The following PCDHGA10 variants were observed in gnomAD, a reference collection of about 807,000 sequenced individuals.
PCDHGA10 encodes protocadherin gamma subfamily A, 10.
PCDHGA10 carries 42 observed loss-of-function variants against 59.5 expected under a neutral mutation model. The ratio of observed to expected loss-of-function variants is 0.71; its 90% CI spans 0.55 to 0.91. PCDHGA10 has a LOEUF of 0.91. PCDHGA10 is among the 40% of genes least tolerant of loss of function. The pLI is 0.00. For missense variants in PCDHGA10, 1,111 were observed against 1,198.2 expected (o/e 0.93, Z 1.07); for synonymous variants, 511 against 517.2 (o/e 0.99, Z 0.16).
rs191354649 is a variant in PCDHGA10 at position 141,510,446 on chromosome 5, C to T, written c.2585-501C>T. 8.9e-4 allele frequency among the ~76,000 whole-genome samples: 135 copies of T among 152,154 alleles called. 1 individual carries two copies. Among genetic ancestry groups the T allele is most frequent in the Non-Finnish European group, 1.7e-3 (114 of 68,010 alleles). On this transcript the variant is annotated intron_variant, in intron 3 of 3. Coordinates refer to ENST00000398610, the MANE Select transcript of PCDHGA10 (RefSeq NM_018913.3). ...TTTCATGGCTGCTGCCCTCCAGGAG[C>T]CCATGGTCTAGTGTGGGAGTCAGAG...
intron 1 of PCDHGA10, among the ~76,000 whole-genome samples, chr5:141,482,765 T>C (rs2099572013): frequency 7.9e-6 from 1 of 127,068 alleles, no homozygotes; most frequent in African/African-American, 3.6e-5. Flanking sequence ...TATTTCATTA[T>C]CACTGAACCT....
rs1562150111 is a variant in PCDHGA10, at chr5:141,491,805, T to G, written c.2437-3002T>G. 1 of 1,495,892 alleles carries G rather than the reference T, an allele frequency of 6.7e-7. No homozygotes were observed. 92.7% of individuals were successfully genotyped at this position (1,495,892 alleles called of 1,614,324 possible). A position where few individuals can be genotyped will look rare whatever the true frequency, so the allele number is the denominator to read the frequency against. On this transcript the variant is annotated intron_variant, in intron 1 of 3. Coordinates refer to ENST00000398610, the MANE Select transcript of PCDHGA10 (RefSeq NM_018913.3). This position sits in a 1 kb window ranked among gnomAD's most constrained non-coding sequence, Gnocchi z 6.9. ...TGCATCCACTCCTCTCCGGCCGGCT[T>G]GGTCGCTGGCTGCGCTCCACCCGAT... is the stretch of plus-strand genomic sequence containing the variant.
chr5:141,500,005 G>A (rs994274763), intron 2 of PCDHGA10, among the ~76,000 whole-genome samples: 30 of 151,476 alleles, frequency 2.0e-4, no homozygotes, highest in Non-Finnish European at 3.8e-4. Context: ...TCTTTCATAA[G>A]GTCCACATTT....
intron 1 of PCDHGA10, among the ~76,000 whole-genome samples, chr5:141,449,630 T>C (rs1006977026): frequency 6.7e-6 from 1 of 150,024 alleles, no homozygotes; most frequent in South Asian, 2.1e-4. Flanking sequence ...TTTAAAAAGA[T>C]GTATCTATAT....
intron 1 of PCDHGA10, among the ~76,000 whole-genome samples, chr5:141,458,695 G>A (rs551105765): frequency 2.0e-5 from 3 of 151,852 alleles, no homozygotes; most frequent in Non-Finnish European, 2.9e-5. Context: ...TCAGCCTCCC[G>A]AGTAGCTGGG....
At chr5:141,436,394 T>C (rs781428769) in intron 1 of PCDHGA10, among the ~76,000 whole-genome samples, 15 of 152,216 alleles carry the variant, frequency 9.9e-5, no homozygotes, top group Non-Finnish European at 1.9e-4. Flanking sequence ...CTTTATTAAA[T>C]AGTTGTTGAA....
intron 1 of PCDHGA10, 52 bp downstream of exon 1, chr5:141,415,663 T>C: frequency 6.3e-7 from 1 of 1,578,204 alleles, no homozygotes; most frequent in Non-Finnish European, 8.6e-7. Flanking sequence ...GATTGGTTTT[T>C]ACTTTGAAGT....
At chr5:141,454,796 A>ATTTTTTTTTTTTTTTTTTTTTTTT (rs61612330) in intron 1 of PCDHGA10, among the ~76,000 whole-genome samples, 4 of 77,456 alleles carry the variant, frequency 5.2e-5, no homozygotes, top group Non-Finnish European at 9.3e-5. Flanking sequence ...CATGGTTCTA[A>ATTTTTTTTTTTTTTTTTTTTTTTT]TTTTTTTTTT....
intron 1 of PCDHGA10, chr5:141,428,437 C>G: frequency 2.5e-6 from 1 of 400,386 alleles, no homozygotes; most frequent in East Asian, 5.4e-5. Flanking sequence ...TAAGACTAGA[C>G]CAGGGGTTTT....
intron 1 of PCDHGA10, among the ~76,000 whole-genome samples, chr5:141,482,188 G>C (rs1178289472): frequency 2.6e-5 from 4 of 152,122 alleles, no homozygotes; most frequent in African/African-American, 9.7e-5. Context: ...CGATGCTCCA[G>C]TTCTAGTAAA....
intron 2 of PCDHGA10, among the ~76,000 whole-genome samples, chr5:141,495,233 A>G (rs1226612093): frequency 1.3e-5 from 2 of 152,196 alleles, no homozygotes; most frequent in African/African-American, 4.8e-5. Flanking sequence ...GCTGGGCTCC[A>G]TTATGACCTG....
chr5:141,432,071 AT>A lies in PCDHGA10; in HGVS notation c.2436+16461del. 1 of 1,614,158 alleles carries A rather than the reference AT, an allele frequency of 6.2e-7. No individual in the cohort carries two copies. Among genetic ancestry groups the A allele is most frequent in the Non-Finnish European group, 8.5e-7 (1 of 1,180,032 alleles). ...CCCGCCCCTATCCACGGAAACTCAT[AT>A]CTCGCTGAACGTGGCAGACACCAAC... On this transcript the variant is annotated intron_variant, in intron 1 of 3. Transcript: ENST00000398610. The surrounding 1 kb of genome is among the most constrained non-coding windows in gnomAD (Gnocchi z 6.0).
chr5:141,419,375 T>G (rs755252910), intron 1 of PCDHGA10: 1 of 1,613,728 alleles, frequency 6.2e-7, no homozygotes, highest in Admixed American at 1.7e-5. Context: ...GTCCTACGTG[T>G]CCGTGAGCGC....
intron 1 of PCDHGA10, among the ~76,000 whole-genome samples, chr5:141,451,134 T>C (rs567790185): frequency 9.9e-5 from 15 of 152,254 alleles, no homozygotes; most frequent in African/African-American, 3.6e-4. Context: ...AGCCTTATGA[T>C]TGTATTTAGA....
intron 1 of PCDHGA10, among the ~76,000 whole-genome samples, chr5:141,454,900 C>T (rs1411402448): frequency 1.4e-5 from 2 of 145,486 alleles, no homozygotes; most frequent in African/African-American, 2.6e-5. Flanking sequence ...CACCGCCTCC[C>T]GGGTTCACGC....
At chr5:141,430,811 A>T in intron 1 of PCDHGA10, 1 of 1,527,400 alleles carries the variant, frequency 6.5e-7, no homozygotes, top group Non-Finnish European at 8.8e-7. Context: ...CCTGCTGGGA[A>T]TCCTCCTGGG....
At chr5:141,422,705 C>T (rs371027437) in intron 1 of PCDHGA10, 2 of 1,602,706 alleles carry the variant, frequency 1.2e-6, no homozygotes, top group South Asian at 1.1e-5. Context: ...TACTCTCTGA[C>T]GGATGACACT....
rs972633773 is a variant in PCDHGA10, at chr5:141,489,751, A to T, written c.2437-5056A>T. ...GGGCACCAATACTGTGAGCTTTTAC[A>T]CTCTAAGCCCCAACAGCCACTTCTC... On this transcript the variant is annotated intron_variant, in intron 1 of 3. Coordinates refer to ENST00000398610, the MANE Select transcript of PCDHGA10 (RefSeq NM_018913.3). The surrounding 1 kb of genome is among the most constrained non-coding windows in gnomAD (Gnocchi z 4.5). The T allele has an allele frequency of 1.9e-6, 3 of 1,613,740 alleles. No individual in the cohort carries two copies. Among genetic ancestry groups the T allele is most frequent in the African/African-American group, 2.7e-5 (2 of 74,840 alleles).
chr5:141,437,307 G>A (rs1172152732), intron 1 of PCDHGA10, among the ~76,000 whole-genome samples: 7 of 152,120 alleles, frequency 4.6e-5, no homozygotes, highest in South Asian at 2.1e-4. Context: ...AAGTTAAAGC[G>A]TTCAGCTATA....
Sources: allele counts gnomAD v4.1 joint callset (sites outside exome capture counted in the v4.1 genomes callset), GRCh38; gene constraint gnomAD v4.1.1; non-coding constraint Gnocchi (gnomAD v3.1); transcripts MANE v1.5; gene names NCBI Gene and HGNC (gene_info 2026-07-23, HGNC 2026-07-21).